Variants in RASAL2 observed in about 807,000 individuals in gnomAD.
RASAL2 encodes RAS protein activator like 2.
In RASAL2, 58 loss-of-function variants were observed where a neutral mutation model predicts 128.9. The ratio of observed to expected loss-of-function variants is 0.45; its 90% CI spans 0.36 to 0.56. The LOEUF (loss-of-function observed/expected upper bound fraction) is 0.56, where lower values mean the gene tolerates loss of function less well. Ranked by LOEUF, RASAL2 falls within the 20% of genes least tolerant of loss-of-function variation. The probability of loss-of-function intolerance (pLI) is 0.00; values close to 1 mark genes in which losing one functional copy is unlikely to be tolerated. For missense variants in RASAL2, 1,360 were observed against 1,601.6 expected, an observed-to-expected ratio of 0.85 and a Z score of 2.57; for synonymous variants, 561 against 580.8, an observed-to-expected ratio of 0.97 and a Z score of 0.49.
Position 178,467,393 on chromosome 1 carries a change from A to C in RASAL2, c.3650A>C (p.Asp1217Ala). ...KDHAEMQAVI[D>A]AKQKIIDAQE... ...CATGCTGAGATGCAAGCAGTTATTGATGCAAAGCAGAAAATAATTGATGCA... is the reference window on the plus strand; with the variant it reads ...CATGCTGAGATGCAAGCAGTTATTGCTGCAAAGCAGAAAATAATTGATGCA... The change falls in exon 17 of 18, where the codon GAT (aspartate) becomes GCT (alanine). Residue 1217 changes from aspartate (D) to alanine (A), a missense_variant. Around this residue, in one of 3 missense-constraint regions of RASAL2, gnomAD observed 741 missense variants for 868.6 expected, o/e 0.85. Transcript: ENST00000367649. The C allele has an allele frequency of 2.5e-6, 4 of 1,614,148 alleles. No homozygotes were observed. The highest frequency in any genetic ancestry group is 3.4e-6 in the Non-Finnish European group (4 of 1,179,978).
chr1:178,363,868 G>A (rs889884445), intron 3 of RASAL2, among the ~76,000 whole-genome samples: 9 of 152,094 alleles, frequency 5.9e-5, no homozygotes, highest in African/African-American at 1.4e-4. Flanking sequence ...AGGCTGAGGC[G>A]GGCGGATCAC....
chr1:178,464,548 C>CT (rs1647440754), intron 15 of RASAL2, 136 bp downstream of exon 15: 1 of 891,908 alleles, frequency 1.1e-6, no homozygotes, highest in Admixed American at 2.9e-5. Context: ...CTATACATAT[C>CT]TATGTAAAAT....
intron 1 of RASAL2, among the ~76,000 whole-genome samples, chr1:178,156,995 G>A (rs12092370): frequency 0.035 from 5,352 of 152,166 alleles, 281 homozygotes; most frequent in African/African-American, 0.12. Flanking sequence ...CTACTTAGAT[G>A]TATAACTTCT....
At chr1:178,113,780 T>A (rs996311833) in intron 1 of RASAL2, among the ~76,000 whole-genome samples, 8 of 152,130 alleles carry the variant, frequency 5.3e-5, no homozygotes, top group Non-Finnish European at 7.4e-5. Flanking sequence ...TGGGGAGAGT[T>A]ACTATCTTAA....
At chr1:178,347,818 A>G (rs972896614) in intron 3 of RASAL2, among the ~76,000 whole-genome samples, 2 of 152,224 alleles carry the variant, frequency 1.3e-5, no homozygotes, top group Non-Finnish European at 2.9e-5. Context: ...CCCAATAGCA[A>G]TGTATACCTA....
chr1:178,102,565 CT>C (rs911023466), intron 1 of RASAL2, among the ~76,000 whole-genome samples: 2 of 151,994 alleles, frequency 1.3e-5, no homozygotes, highest in African/African-American at 4.8e-5. Flanking sequence ...TTATTCCAGT[CT>C]TTTTTGTGTA....
At chr1:178,113,747 G>A (rs1659427724) in intron 1 of RASAL2, among the ~76,000 whole-genome samples, 1 of 152,034 alleles carries the variant, frequency 6.6e-6, no homozygotes, top group South Asian at 2.1e-4. Flanking sequence ...GATTGGGATT[G>A]TGTTAAATCT....
chr1:178,115,960 A>G (rs1659507966), intron 1 of RASAL2, among the ~76,000 whole-genome samples: 1 of 152,204 alleles, frequency 6.6e-6, no homozygotes, highest in Non-Finnish European at 1.5e-5. Flanking sequence ...TTAATGGTGA[A>G]TGAAAACTAG....
chr1:178,123,097 C>T (rs1222671966), intron 1 of RASAL2: 4 of 152,134 alleles, frequency 2.6e-5, no homozygotes, highest in Non-Finnish European at 4.4e-5. Context: ...GTTAAAAATT[C>T]GGATCCTTGG....
intron 3 of RASAL2, among the ~76,000 whole-genome samples, chr1:178,312,075 A>T (rs1668282571): frequency 6.6e-6 from 1 of 152,136 alleles, no homozygotes; most frequent in East Asian, 1.9e-4. Flanking sequence ...AAAAGATAAA[A>T]TAATGAGAGG....
At chr1:178,404,842 C>T (rs1315845134) in intron 4 of RASAL2, among the ~76,000 whole-genome samples, 2 of 151,704 alleles carry the variant, frequency 1.3e-5, no homozygotes, top group African/African-American at 4.8e-5. Flanking sequence ...CCACCACACC[C>T]AGCTAATTTC....
chr1:178,269,702 G>A (rs754416730), intron 1 of RASAL2, among the ~76,000 whole-genome samples: 3 of 152,180 alleles, frequency 2.0e-5, no homozygotes, highest in Non-Finnish European at 4.4e-5. Flanking sequence ...ACAAAGGGGA[G>A]GCATGAATAA....
intron 1 of RASAL2, among the ~76,000 whole-genome samples, chr1:178,146,574 T>C (rs1660737288): frequency 6.6e-6 from 1 of 152,230 alleles, no homozygotes; most frequent in Non-Finnish European, 1.5e-5. Context: ...GAAAACATCT[T>C]CTTGTCTCAT....
At chr1:178,240,577 G>A (rs1231987301) in intron 1 of RASAL2, among the ~76,000 whole-genome samples, 3 of 151,764 alleles carry the variant, frequency 2.0e-5, no homozygotes, top group Admixed American at 6.6e-5. Flanking sequence ...TTTAAAGCAA[G>A]TGTCAAATTT....
In RASAL2 at chr1:178,458,422, G is replaced by A. The variant is rs1398221718; in HGVS notation, c.3130G>A (p.Val1044Met). 5 of 1,614,226 alleles carry A rather than the reference G, an allele frequency of 3.1e-6. No individual in the cohort carries two copies. The highest frequency in any genetic ancestry group is 4.2e-6 in the Non-Finnish European group (5 of 1,180,032). Residue 1044 changes from valine to methionine, a missense_variant, in exon 14 of 18, where the codon GTG becomes ATG. This residue lies in a region of RASAL2 where 741 missense variants were observed against 868.6 expected (regional missense o/e 0.85). Coordinates refer to ENST00000367649, the MANE Select transcript of RASAL2 (RefSeq NM_170692.4). ...SLRSTGSMSVVSAALVAEPVQ... is the reference protein window; with the variant it reads ...SLRSTGSMSVMSAALVAEPVQ... ...ACGTAGCACCGGGAGCATGTCAGTG[G>A]TGTCCGCAGCCCTGGTGGCCGAACC...
chr1:178,460,840 G>A (rs1170352562), intron 14 of RASAL2, among the ~76,000 whole-genome samples: 1 of 151,836 alleles, frequency 6.6e-6, no homozygotes, highest in Admixed American at 6.6e-5. Context: ...TTGAAACAGA[G>A]TCTTGCTCTG....
At chr1:178,268,292 AC>A (rs1666076619) in intron 1 of RASAL2, among the ~76,000 whole-genome samples, 1 of 151,968 alleles carries the variant, frequency 6.6e-6, no homozygotes, top group Non-Finnish European at 1.5e-5. Flanking sequence ...ACATGGTGAA[AC>A]CCCATCTCTA....
In RASAL2 at chr1:178,203,035, C is replaced by T. The variant is rs180770896; in HGVS notation, c.203-80529C>T. 2.4e-3 allele frequency among the ~76,000 whole-genome samples: 369 copies of T among 152,304 alleles called. 1 individual carries two copies. The highest frequency in any genetic ancestry group is 8.6e-3 in the African/African-American group (358 of 41,566). ...ACCATTCCTCTGGGTGATCAGCCAG[C>T]TAGTTGGTGACAGGTCGATTATATT... On this transcript the variant is annotated intron_variant, in intron 1 of 17. Coordinates refer to ENST00000367649, the MANE Select transcript of RASAL2 (RefSeq NM_170692.4).
chr1:178,171,677 A>G (rs999092913), intron 1 of RASAL2, among the ~76,000 whole-genome samples: 8 of 151,866 alleles, frequency 5.3e-5, no homozygotes, highest in African/African-American at 1.7e-4. Flanking sequence ...CTATTTGGAG[A>G]TGTTTTATGA....
Sources: allele counts gnomAD v4.1 joint callset (sites outside exome capture counted in the v4.1 genomes callset), GRCh38; gene constraint gnomAD v4.1.1; regional missense constraint gnomAD v4.1.1; transcripts MANE v1.5; gene names NCBI Gene and HGNC (gene_info 2026-07-23, HGNC 2026-07-21).